The following ZNRF2 variants were observed in gnomAD, a reference collection of about 807,000 sequenced individuals.
ZNRF2 encodes the protein E3 ubiquitin-protein ligase ZNRF2.
In ZNRF2, 16 loss-of-function variants were observed where a neutral mutation model predicts 20.4. That is an observed-to-expected ratio of 0.79 (90% CI 0.53 to 1.19). The LOEUF (loss-of-function observed/expected upper bound fraction) is 1.19. Ranked by LOEUF, ZNRF2 falls within the 50% of genes most tolerant of loss-of-function variation. The pLI is 0.00. For synonymous variants in ZNRF2, 178 were observed against 144.9 expected (o/e 1.23, Z -1.64); for missense variants, 363 against 332.4 (o/e 1.09, Z -0.72).
chr7:30,288,752 T>G (rs1043091154), intron 1 of ZNRF2: 1 of 152,216 alleles, frequency 6.6e-6, no homozygotes, highest in Non-Finnish European at 1.5e-5. Context: ...TTATTATTCT[T>G]TTCAGACTGA....
intron 1 of ZNRF2, among the ~76,000 whole-genome samples, chr7:30,302,724 C>T (rs534453383): frequency 1.3e-5 from 2 of 152,174 alleles, no homozygotes; most frequent in East Asian, 1.9e-4. Flanking sequence ...CAGAAAAGAA[C>T]TGGTGGCGGT....
chr7:30,327,605 A>T (rs12056300), intron 2 of ZNRF2, among the ~76,000 whole-genome samples: 2 of 152,110 alleles, frequency 1.3e-5, no homozygotes, highest in African/African-American at 4.8e-5. Context: ...ATTTCAATCT[A>T]GAAATTAATA....
At chr7:30,293,889 T>A (rs1798960813) in intron 1 of ZNRF2, among the ~76,000 whole-genome samples, 1 of 152,216 alleles carries the variant, frequency 6.6e-6, no homozygotes, top group Non-Finnish European at 1.5e-5. Context: ...ATATCCTAAT[T>A]TTTGCTTGAA....
At chr7:30,311,417 A>G (rs1799290589) in intron 1 of ZNRF2, among the ~76,000 whole-genome samples, 1 of 152,242 alleles carries the variant, frequency 6.6e-6, no homozygotes, top group South Asian at 2.1e-4. Flanking sequence ...ACGAACTACC[A>G]GCAAACCCAA....
At chr7:30,321,428 C>T (rs1174910446) in intron 1 of ZNRF2, among the ~76,000 whole-genome samples, 1 of 151,894 alleles carries the variant, frequency 6.6e-6, no homozygotes, top group Non-Finnish European at 1.5e-5. Flanking sequence ...CTGCCGACTT[C>T]TCTCAAGTTC....
chr7:30,310,611 T>A (rs945493109), intron 1 of ZNRF2, among the ~76,000 whole-genome samples: 6 of 152,154 alleles, frequency 3.9e-5, no homozygotes, highest in African/African-American at 9.7e-5. Context: ...TTTTAAAAAA[T>A]TTTTATTCAG....
intron 1 of ZNRF2, among the ~76,000 whole-genome samples, chr7:30,313,969 C>G (rs1218334723): frequency 1.3e-5 from 2 of 152,104 alleles, no homozygotes; most frequent in Non-Finnish European, 2.9e-5. Context: ...ATTAAGGATG[C>G]CTTGTTTGTA....
intron 1 of ZNRF2, among the ~76,000 whole-genome samples, chr7:30,294,073 T>C (rs1798964948): frequency 6.6e-6 from 1 of 151,954 alleles, no homozygotes; most frequent in African/African-American, 2.4e-5. Flanking sequence ...GGCAGGATTA[T>C]GTGTAATATG....
intron 1 of ZNRF2, among the ~76,000 whole-genome samples, chr7:30,313,457 G>T (rs971406930): frequency 2.6e-5 from 4 of 152,082 alleles, no homozygotes; most frequent in African/African-American, 9.7e-5. Context: ...GCTCAGACAT[G>T]CATTTCTCCC....
intron 1 of ZNRF2, among the ~76,000 whole-genome samples, chr7:30,302,472 G>GTA (rs1323988913): frequency 2.6e-5 from 4 of 151,896 alleles, no homozygotes; most frequent in Non-Finnish European, 5.9e-5. Flanking sequence ...TTTAAGAAAT[G>GTA]TATAGTCTCT....
intron 2 of ZNRF2, among the ~76,000 whole-genome samples, chr7:30,351,118 A>G (rs1799956293): frequency 1.3e-5 from 2 of 150,682 alleles, no homozygotes; most frequent in Admixed American, 1.3e-4. Flanking sequence ...TTAATTTTGC[A>G]TATTTGGCTG....
At chr7:30,302,616 A>G (rs935506909) in intron 1 of ZNRF2, among the ~76,000 whole-genome samples, 1 of 152,156 alleles carries the variant, frequency 6.6e-6, no homozygotes, top group Non-Finnish European at 1.5e-5. Context: ...ATATCCATAC[A>G]CTAAAAATTG....
chr7:30,340,917 G>T (rs1799786082), intron 2 of ZNRF2, among the ~76,000 whole-genome samples: 1 of 152,102 alleles, frequency 6.6e-6, no homozygotes, highest in South Asian at 2.1e-4. Context: ...CTCAATTTCA[G>T]AACTTGTTAT....
chr7:30,341,059 C>A (rs1309276601), intron 2 of ZNRF2, among the ~76,000 whole-genome samples: 1 of 151,982 alleles, frequency 6.6e-6, no homozygotes, highest in Non-Finnish European at 1.5e-5. Context: ...TGATGGTAGT[C>A]TGTATTTCTG....
intron 2 of ZNRF2, among the ~76,000 whole-genome samples, chr7:30,332,927 C>T (rs1219982805): frequency 6.6e-6 from 1 of 152,020 alleles, no homozygotes; most frequent in Non-Finnish European, 1.5e-5. Flanking sequence ...AATGGTAGTA[C>T]TGGTTTTAGT....
At chr7:30,295,380 C>T (rs1409962921) in intron 1 of ZNRF2, among the ~76,000 whole-genome samples, 9 of 152,114 alleles carry the variant, frequency 5.9e-5, no homozygotes, top group Non-Finnish European at 1.3e-4. Context: ...TGACCTTAAG[C>T]AAGTTGCTTA....
At chr7:30,350,240 C>T (rs1799942190) in intron 2 of ZNRF2, among the ~76,000 whole-genome samples, 1 of 151,914 alleles carries the variant, frequency 6.6e-6, no homozygotes, top group African/African-American at 2.4e-5. Context: ...GGCGAATTCA[C>T]CGAATTTCGA....
chr7:30,299,976 G>T (rs999152500), intron 1 of ZNRF2, among the ~76,000 whole-genome samples: 1 of 151,164 alleles, frequency 6.6e-6, no homozygotes, highest in South Asian at 2.1e-4. Flanking sequence ...ATAGAGACGG[G>T]GTTTTCACTG....
intron 2 of ZNRF2, among the ~76,000 whole-genome samples, chr7:30,330,646 T>C (rs535265005): frequency 6.6e-6 from 1 of 152,304 alleles, no homozygotes; most frequent in East Asian, 1.9e-4. Flanking sequence ...TTATAAGTTA[T>C]AAGCCTATCT....
Sources: gnomAD v4.1 joint callset for allele counts (sites outside exome capture counted in the v4.1 genomes callset) on GRCh38, gnomAD v4.1.1 for gene constraint, MANE v1.5 for transcripts, NCBI Gene and HGNC (gene_info 2026-07-23, HGNC 2026-07-21) for gene names.